The following PTK2 variants were observed in gnomAD, a reference collection of about 807,000 sequenced individuals.
PTK2 encodes focal adhesion kinase 1.
A neutral mutation model predicts 150.1 loss-of-function variants in PTK2; 45 were observed. The observed-to-expected ratio is 0.30, with a 90% CI of 0.24 to 0.38. The LOEUF is 0.38. PTK2 is among the 10% of genes least tolerant of loss of function. PTK2 has a pLI of 1.00. For synonymous variants in PTK2, 432 were observed against 449.2 expected, an observed-to-expected ratio of 0.96 and a Z score of 0.48; for missense variants, 919 against 1,307.3, an observed-to-expected ratio of 0.70 and a Z score of 4.58.
intron 10 of PTK2, among the ~76,000 whole-genome samples, chr8:140,812,132 GA>G (rs2100101947): frequency 6.6e-6 from 1 of 152,046 alleles, no homozygotes; most frequent in African/African-American, 2.4e-5. Flanking sequence ...GGAAATGAAA[GA>G]AAAAATGTTA....
chr8:140,988,044 CAAAAA>C (rs71310813), intron 1 of PTK2, among the ~76,000 whole-genome samples: 3 of 101,458 alleles, frequency 3.0e-5, no homozygotes, highest in Non-Finnish European at 3.8e-5. Flanking sequence ...GACCCTGTCT[CAAAAA>C]AAAAAAAAAA....
At chr8:140,989,769 G>A (rs746516589) in intron 1 of PTK2, among the ~76,000 whole-genome samples, 1 of 152,000 alleles carries the variant, frequency 6.6e-6, no homozygotes, top group Non-Finnish European at 1.5e-5. Context: ...TTAGCCGGGT[G>A]TGATGGTGCA....
intron 1 of PTK2, among the ~76,000 whole-genome samples, chr8:140,941,533 CTCA>C (rs1363637060): frequency 6.6e-6 from 1 of 152,146 alleles, no homozygotes; most frequent in East Asian, 1.9e-4. Flanking sequence ...AAATGATGAG[CTCA>C]TCATTTAAAA....
intron 14 of PTK2, among the ~76,000 whole-genome samples, chr8:140,778,308 C>T (rs1297149434): frequency 2.0e-5 from 3 of 152,154 alleles, no homozygotes; most frequent in Non-Finnish European, 4.4e-5. Flanking sequence ...ATCGAAAATA[C>T]AAAAATTAGC....
chr8:140,950,995 C>T (rs1267318812), intron 1 of PTK2, among the ~76,000 whole-genome samples: 1 of 151,872 alleles, frequency 6.6e-6, no homozygotes, highest in East Asian at 1.9e-4. Context: ...TTTAAGTCAA[C>T]ACTCCCAGAA....
intron 26 of PTK2, among the ~76,000 whole-genome samples, chr8:140,692,801 G>A (rs1036501297): frequency 3.9e-5 from 6 of 152,182 alleles, no homozygotes; most frequent in African/African-American, 9.6e-5. Flanking sequence ...AAATAGGAGA[G>A]CTGTTGGCCT....
At chr8:140,852,751 C>T (rs2100130105) in intron 5 of PTK2, among the ~76,000 whole-genome samples, 1 of 152,134 alleles carries the variant, frequency 6.6e-6, no homozygotes, top group African/African-American at 2.4e-5. Flanking sequence ...AAATTAAGAG[C>T]TGAAGACTGA....
intron 2 of PTK2, among the ~76,000 whole-genome samples, chr8:140,901,573 T>C (rs1444250839): frequency 3.3e-5 from 5 of 150,670 alleles, no homozygotes; most frequent in Admixed American, 6.6e-5. Context: ...GAAAACTCAA[T>C]AGAAGGAGTT....
chr8:140,858,426 G>GAA (rs923460874), intron 5 of PTK2, among the ~76,000 whole-genome samples: 89 of 121,666 alleles, frequency 7.3e-4, no homozygotes, highest in African/African-American at 2.4e-3. Context: ...AGCAAGGGCA[G>GAA]AAAAAAAAAA....
intron 10 of PTK2, among the ~76,000 whole-genome samples, chr8:140,812,922 A>G (rs1046258349): frequency 1.3e-5 from 2 of 152,238 alleles, no homozygotes; most frequent in African/African-American, 4.8e-5. Flanking sequence ...AGACTCCTAC[A>G]CAATAATAGT....
chr8:140,932,422 G>C (rs940463628), intron 1 of PTK2, among the ~76,000 whole-genome samples: 2 of 151,860 alleles, frequency 1.3e-5, no homozygotes, highest in Admixed American at 1.3e-4. Flanking sequence ...CACCATCTTG[G>C]CCAGGCCAGT....
intron 5 of PTK2, among the ~76,000 whole-genome samples, chr8:140,863,067 C>G (rs1291408753): frequency 1.3e-5 from 2 of 152,172 alleles, no homozygotes; most frequent in Admixed American, 1.3e-4. Flanking sequence ...CTATCATTAT[C>G]TCACATAGAA....
At chr8:140,888,652 A>C (rs1294832265) in intron 3 of PTK2, among the ~76,000 whole-genome samples, 1 of 152,264 alleles carries the variant, frequency 6.6e-6, no homozygotes, top group Non-Finnish European at 1.5e-5. Flanking sequence ...ACATGCCTGC[A>C]GTGACACTGA....
intron 4 of PTK2, among the ~76,000 whole-genome samples, chr8:140,872,491 T>C (rs974138453): frequency 2.6e-5 from 4 of 152,256 alleles, no homozygotes; most frequent in African/African-American, 9.6e-5. Context: ...CCTACTTAAC[T>C]GGGCTCTCCC....
intron 25 of PTK2, among the ~76,000 whole-genome samples, chr8:140,701,582 C>T (rs963809942): frequency 3.9e-5 from 6 of 152,020 alleles, no homozygotes; most frequent in African/African-American, 1.4e-4. Flanking sequence ...AATTTTTAAA[C>T]TATAGGAGTA....
intron 2 of PTK2, among the ~76,000 whole-genome samples, chr8:140,917,576 G>A (rs1199435731): frequency 2.0e-5 from 3 of 152,136 alleles, no homozygotes; most frequent in Non-Finnish European, 4.4e-5. Flanking sequence ...ATTTATTTCT[G>A]ACAGCTGAAT....
In PTK2 at chr8:140,683,112, T is replaced by G. The variant is rs570434923; in HGVS notation, c.2562+3520A>C. ...AAGAATGACTGATCACTAGCTAGACTAATTAAAAAAAGAGAGAAGATCGAA... is the reference window on the plus strand; with the variant it reads ...AAGAATGACTGATCACTAGCTAGACGAATTAAAAAAAGAGAGAAGATCGAA... On this transcript the variant is annotated intron_variant, in intron 27 of 31. Transcript: ENST00000522684. Among the ~76,000 whole-genome samples, 31 of 151,940 alleles carry G rather than the reference T, an allele frequency of 2.0e-4. No homozygotes were observed. The South Asian group carries it at 6.2e-3, about 31-fold the overall frequency.
chr8:140,748,867 A>G (rs569883408), intron 17 of PTK2, among the ~76,000 whole-genome samples: 26 of 152,338 alleles, frequency 1.7e-4, no homozygotes, highest in African/African-American at 5.1e-4. Context: ...TTTAAAGGTG[A>G]CCTGGTCCAG....
intron 10 of PTK2, among the ~76,000 whole-genome samples, chr8:140,808,249 T>C (rs1422094823): frequency 6.6e-6 from 1 of 152,040 alleles, no homozygotes; most frequent in Non-Finnish European, 1.5e-5. Context: ...ACAGGTAAGA[T>C]GGGATAGAAG....
Sources: allele counts gnomAD v4.1 joint callset (sites outside exome capture counted in the v4.1 genomes callset), GRCh38; gene constraint gnomAD v4.1.1; transcripts MANE v1.5; gene names NCBI Gene and HGNC (gene_info 2026-07-23, HGNC 2026-07-21).